CDH12: variants seen among roughly 807,000 people sequenced by gnomAD.
CDH12 encodes the protein cadherin-12.
Under a neutral mutation model 74.1 loss-of-function variants are expected in CDH12, and 41 were observed. The observed-to-expected ratio is 0.55, with a 90% CI of 0.43 to 0.72. The LOEUF is 0.72. CDH12 is among the 30% of genes least tolerant of loss of function. The pLI is 0.00. For missense variants in CDH12, 945 were observed against 977.2 expected (o/e 0.97, Z 0.44); for synonymous variants, 399 against 355.0 (o/e 1.12, Z -1.39).
intron 4 of CDH12, among the ~76,000 whole-genome samples, chr5:22,138,672 A>G (rs1746595042): frequency 6.7e-6 from 1 of 150,292 alleles, no homozygotes; most frequent in Non-Finnish European, 1.5e-5. Context: ...GTCTTGAGTC[A>G]TATCTGCAGG....
chr5:22,078,152 A>G (rs1580213595), intron 5 of CDH12, among the ~76,000 whole-genome samples: 1 of 152,182 alleles, frequency 6.6e-6, no homozygotes, highest in Non-Finnish European at 1.5e-5. Flanking sequence ...AATTATGCTT[A>G]ATAACATTTT....
At chr5:22,462,624 G>C (rs1300798525) in intron 2 of CDH12, among the ~76,000 whole-genome samples, 1 of 151,940 alleles carries the variant, frequency 6.6e-6, no homozygotes, top group Non-Finnish European at 1.5e-5. Flanking sequence ...TCTGGAGACA[G>C]TAACATGAAA....
intron 11 of CDH12, among the ~76,000 whole-genome samples, chr5:21,774,878 G>T (rs1235689189): frequency 6.6e-6 from 1 of 152,142 alleles, no homozygotes; most frequent in Non-Finnish European, 1.5e-5. Context: ...TATATTCATG[G>T]TAACTGATTC....
intron 1 of CDH12, among the ~76,000 whole-genome samples, chr5:22,759,251 G>T (rs1746085814): frequency 6.6e-6 from 1 of 151,752 alleles, no homozygotes; most frequent in South Asian, 2.1e-4. Flanking sequence ...CACCACACAT[G>T]TATTCTTTCT....
At chr5:21,893,066 T>C (rs948061989) in intron 6 of CDH12, among the ~76,000 whole-genome samples, 9 of 152,312 alleles carry the variant, frequency 5.9e-5, no homozygotes, top group Middle Eastern at 3.4e-3. Context: ...TCTTCTATAG[T>C]AACAAAGTTC....
intron 2 of CDH12, among the ~76,000 whole-genome samples, chr5:22,429,077 C>T (rs529986619): frequency 3.3e-5 from 5 of 151,444 alleles, no homozygotes; most frequent in South Asian, 2.1e-4. Context: ...TCAAATTTCC[C>T]GTCAGTTAAT....
chr5:22,787,088 C>G (rs531595266), intron 1 of CDH12, among the ~76,000 whole-genome samples: 63 of 151,776 alleles, frequency 4.2e-4, no homozygotes, highest in Admixed American at 6.6e-4. Flanking sequence ...GGTCCTCCAG[C>G]AATTCACTGA....
chr5:22,295,969 T>A (rs1206264965), intron 3 of CDH12, among the ~76,000 whole-genome samples: 1 of 152,184 alleles, frequency 6.6e-6, no homozygotes, highest in South Asian at 2.1e-4. Context: ...TGTACACATA[T>A]AATTTTATTA....
At chr5:22,599,382 G>T (rs1460769276) in intron 1 of CDH12, among the ~76,000 whole-genome samples, 1 of 152,136 alleles carries the variant, frequency 6.6e-6, no homozygotes, top group Non-Finnish European at 1.5e-5. Flanking sequence ...GAATAGCCTA[G>T]GTGACTTTAC....
intron 3 of CDH12, among the ~76,000 whole-genome samples, chr5:22,310,546 A>G (rs191703800): frequency 8.0e-4 from 121 of 152,026 alleles, no homozygotes; most frequent in Non-Finnish European, 1.4e-3. Flanking sequence ...TCTTATATCT[A>G]ATTTGATTCC....
At chr5:22,523,154 TTTTC>T (rs1221613267) in intron 1 of CDH12, among the ~76,000 whole-genome samples, 1 of 152,206 alleles carries the variant, frequency 6.6e-6, no homozygotes, top group Non-Finnish European at 1.5e-5. Flanking sequence ...CTTTCTTAGC[TTTTC>T]TTTATCTTTT....
intron 8 of CDH12, among the ~76,000 whole-genome samples, chr5:21,825,411 T>G (rs1748615893): frequency 6.6e-6 from 1 of 152,304 alleles, no homozygotes; most frequent in African/African-American, 2.4e-5. Flanking sequence ...GTACACATTT[T>G]GCTATTTTTA....
intron 10 of CDH12, among the ~76,000 whole-genome samples, chr5:21,798,761 C>T (rs978546687): frequency 1.3e-5 from 2 of 152,066 alleles, no homozygotes; most frequent in Non-Finnish European, 2.9e-5. Flanking sequence ...GATCTCTTGG[C>T]ACATTGAACA....
chr5:21,754,548 C>A (rs1244356007), intron 14 of CDH12, among the ~76,000 whole-genome samples: 1 of 152,174 alleles, frequency 6.6e-6, no homozygotes, highest in Non-Finnish European at 1.5e-5. Context: ...AATATCTACA[C>A]CATGCCAATT....
In CDH12 at chr5:22,315,119, C is replaced by CTTTTTTTTTTTTTTTTTT. The variant is rs70959715; in HGVS notation, c.-333+90120_-333+90137dup. Among the ~76,000 whole-genome samples, 3 of 22,996 alleles carry CTTTTTTTTTTTTTTTTTT rather than the reference C, an allele frequency of 1.3e-4. 1 individual carries two copies. Among genetic ancestry groups the CTTTTTTTTTTTTTTTTTT allele is most frequent in the Non-Finnish European group, 2.1e-4 (3 of 14,504 alleles). The allele number at this position is 22,996 out of a possible 152,430, so 15.1% of individuals were successfully genotyped here. On this transcript the variant is annotated intron_variant, in intron 3 of 14. Transcript: ENST00000382254. ...GGCGCCTGCCACCGTGCCTGCCTGG[C>CTTTTTTTTTTTTTTTTTT]TTTTTTTTTTTTTTTTTTTTTTTTA...
intron 1 of CDH12, among the ~76,000 whole-genome samples, chr5:22,770,266 GACAAC>G (rs888664909): frequency 6.6e-6 from 1 of 152,022 alleles, no homozygotes; most frequent in African/African-American, 2.4e-5. Flanking sequence ...TCTACAGTAG[GACAAC>G]AGATTAAAGA....
intron 3 of CDH12, among the ~76,000 whole-genome samples, chr5:22,237,516 C>T (rs1752599564): frequency 6.6e-6 from 1 of 152,092 alleles, no homozygotes; most frequent in African/African-American, 2.4e-5. Context: ...CCTTACCATT[C>T]CTCCTTGTAA....
Position 22,154,307 on chromosome 5 carries a change from A to G in CDH12, c.-187+58191T>C, listed in dbSNP as rs1233087825. 2.6e-5 allele frequency among the ~76,000 whole-genome samples: 4 copies of G among 151,552 alleles called. No homozygotes were observed. In the East Asian group the frequency reaches 7.8e-4, roughly 30 times the overall value. On this transcript the variant is annotated intron_variant, in intron 4 of 14. Transcript: ENST00000382254. ...CAATATAGTATTACTAACTATAGTC[A>G]CCATGCTCTACATTAGGTCTCCAGA...
At chr5:22,436,980 A>G (rs1301084458) in intron 2 of CDH12, among the ~76,000 whole-genome samples, 1 of 152,210 alleles carries the variant, frequency 6.6e-6, no homozygotes, top group East Asian at 1.9e-4. Context: ...AAAACATGGA[A>G]AAGTCAGTCT....
Sources: allele counts gnomAD v4.1 joint callset (sites outside exome capture counted in the v4.1 genomes callset), GRCh38; gene constraint gnomAD v4.1.1; transcripts MANE v1.5; gene names NCBI Gene and HGNC (gene_info 2026-07-23, HGNC 2026-07-21).